The following NRG3 variants were observed in gnomAD, a reference collection of about 807,000 sequenced individuals.
The protein encoded by NRG3 is pro-neuregulin-3, membrane-bound isoform.
NRG3 carries 31 observed loss-of-function variants against 66.9 expected under a neutral mutation model. The observed-to-expected ratio is 0.46, with a 90% CI of 0.35 to 0.63. The LOEUF is 0.63. Ranked by LOEUF, NRG3 falls within the 20% of genes least tolerant of loss-of-function variation. The pLI, the probability that NRG3 is intolerant of heterozygous loss-of-function variation, is 0.00. For missense variants in NRG3, 910 were observed against 878.9 expected (o/e 1.04, Z -0.45); for synonymous variants, 393 against 359.4 (o/e 1.09, Z -1.06).
At chr10:82,297,626 T>C (rs1329056788) in intron 1 of NRG3, among the ~76,000 whole-genome samples, 1 of 152,178 alleles carries the variant, frequency 6.6e-6, no homozygotes, top group Non-Finnish European at 1.5e-5. Flanking sequence ...TTTGCTGATG[T>C]ATTTTATGCA....
chr10:82,290,223 G>A (rs1220919616), intron 1 of NRG3, among the ~76,000 whole-genome samples: 1 of 152,156 alleles, frequency 6.6e-6, no homozygotes, highest in Non-Finnish European at 1.5e-5. Flanking sequence ...GTCGTTATTG[G>A]TCAGCCTGAA....
At chr10:82,514,432 TA>T (rs1366255939) in intron 2 of NRG3, among the ~76,000 whole-genome samples, 4 of 152,176 alleles carry the variant, frequency 2.6e-5, no homozygotes, top group Admixed American at 2.6e-4. Context: ...GCACCAATTA[TA>T]AATAGGGACT....
chr10:82,583,667 T>A (rs1423850955), intron 2 of NRG3, among the ~76,000 whole-genome samples: 3 of 152,200 alleles, frequency 2.0e-5, no homozygotes, highest in African/African-American at 4.8e-5. Context: ...CTCCCAAGTA[T>A]GGTTATTTTT....
intron 1 of NRG3, among the ~76,000 whole-genome samples, chr10:81,994,249 C>T (rs1427274875): frequency 6.6e-6 from 1 of 152,084 alleles, no homozygotes; most frequent in Non-Finnish European, 1.5e-5. Context: ...AAAATAGTAA[C>T]TTAAAATGCT....
At chr10:81,960,396 C>G (rs1850242560) in intron 1 of NRG3, among the ~76,000 whole-genome samples, 1 of 152,020 alleles carries the variant, frequency 6.6e-6, no homozygotes, top group South Asian at 2.1e-4. Context: ...TTTCAACCTT[C>G]TCATTTGTAT....
At chr10:81,954,743 C>T (rs17098807) in intron 1 of NRG3, among the ~76,000 whole-genome samples, 15,295 of 152,088 alleles carry the variant, frequency 0.1, 1,058 homozygotes, top group African/African-American at 0.19. Context: ...TTGTTCTAGA[C>T]AGGTTGTTAA....
chr10:82,601,140 C>G (rs1041095186), intron 2 of NRG3, among the ~76,000 whole-genome samples: 1 of 152,162 alleles, frequency 6.6e-6, no homozygotes, highest in African/African-American at 2.4e-5. Flanking sequence ...TTTTTTATGG[C>G]TGTGTAGTGT....
intron 2 of NRG3, among the ~76,000 whole-genome samples, chr10:82,573,680 C>T (rs2062020): frequency 0.084 from 12,784 of 151,758 alleles, 622 homozygotes; most frequent in East Asian, 0.15. Context: ...ATAAAGCACC[C>T]TTACCTTATG....
intron 1 of NRG3, among the ~76,000 whole-genome samples, chr10:82,127,153 C>G (rs1356130253): frequency 2.6e-5 from 4 of 152,054 alleles, no homozygotes; most frequent in Non-Finnish European, 4.4e-5. Context: ...GCTGCAGGTG[C>G]TGCAAGGGCA....
chr10:81,927,965 C>T (rs560980947), intron 1 of NRG3, among the ~76,000 whole-genome samples: 1 of 152,262 alleles, frequency 6.6e-6, no homozygotes. Flanking sequence ...AATAATAAAT[C>T]TAAGTGACTT....
intron 2 of NRG3, among the ~76,000 whole-genome samples, chr10:82,648,408 C>G (rs888865992): frequency 1.3e-5 from 2 of 151,046 alleles, no homozygotes; most frequent in Middle Eastern, 6.4e-3. Context: ...GTTACTGTAG[C>G]CTTGTAGTAT....
chr10:82,719,015 G>A (rs1307433983), intron 2 of NRG3, among the ~76,000 whole-genome samples: 1 of 152,116 alleles, frequency 6.6e-6, no homozygotes, highest in Non-Finnish European at 1.5e-5. Context: ...CTTCAAAAAC[G>A]TTTATGAGCT....
chr10:82,009,621 G>A (rs1201358991), intron 1 of NRG3, among the ~76,000 whole-genome samples: 1 of 152,212 alleles, frequency 6.6e-6, no homozygotes, highest in African/African-American at 2.4e-5. Flanking sequence ...GTTGCACAGT[G>A]TGCAGTGGTG....
intron 4 of NRG3, among the ~76,000 whole-genome samples, chr10:82,948,336 G>C (rs1849212090): frequency 6.6e-6 from 1 of 152,024 alleles, no homozygotes; most frequent in African/African-American, 2.4e-5. Flanking sequence ...AAGAAATCTT[G>C]AAATAAAGTC....
chr10:82,491,311 T>TA lies in NRG3; in HGVS notation c.953+132444dup, dbSNP rs1463309947. On this transcript the variant is annotated intron_variant, in intron 2 of 8. Coordinates refer to ENST00000372141, the MANE Select transcript of NRG3 (RefSeq NM_001010848.4). Reference sequence around the variant, plus strand: ...CCCATAAAATATATATATATATATATATATAAAATAAAGATGCATCGCTTT... The same window carrying TA: ...CCCATAAAATATATATATATATATATAATATAAAATAAAGATGCATCGCTTT... Among the ~76,000 whole-genome samples the TA allele has an allele frequency of 8.2e-5, 11 of 134,734 alleles. 2 individuals are homozygous for TA. The highest frequency in any genetic ancestry group is 4.9e-5 in the Non-Finnish European group (3 of 61,306). The allele number at this position is 134,734 out of a possible 152,430, so 88.4% of individuals were successfully genotyped here.
chr10:82,059,751 C>T (rs2064036248), intron 1 of NRG3, among the ~76,000 whole-genome samples: 1 of 152,100 alleles, frequency 6.6e-6, no homozygotes, highest in Admixed American at 6.5e-5. Flanking sequence ...CTTCGCTTTC[C>T]ATACTTGTGG....
chr10:81,877,006 C>A (rs1158301411), intron 1 of NRG3, among the ~76,000 whole-genome samples: 1 of 152,180 alleles, frequency 6.6e-6, no homozygotes, highest in African/African-American at 2.4e-5. Context: ...TCCTCTCCCT[C>A]TGTGCCTGAA....
intron 1 of NRG3, among the ~76,000 whole-genome samples, chr10:82,112,804 C>A (rs1035555706): frequency 2.6e-5 from 4 of 152,108 alleles, no homozygotes; most frequent in African/African-American, 9.7e-5. Context: ...CGTGACCATG[C>A]TTTGTTTGCA....
intron 6 of NRG3, among the ~76,000 whole-genome samples, chr10:82,965,761 G>C (rs1459127562): frequency 2.6e-5 from 4 of 151,684 alleles, no homozygotes; most frequent in African/African-American, 9.7e-5. Context: ...ATATATATTA[G>C]CACAGAGCAT....
Sources: gnomAD v4.1 joint callset for allele counts (sites outside exome capture counted in the v4.1 genomes callset) on GRCh38, gnomAD v4.1.1 for gene constraint, MANE v1.5 for transcripts, NCBI Gene and HGNC (gene_info 2026-07-23, HGNC 2026-07-21) for gene names.